Variants in RIF1 observed in about 807,000 individuals in gnomAD.
The protein encoded by RIF1 is telomere-associated protein RIF1.
In RIF1, 45 loss-of-function variants were observed where a neutral mutation model predicts 247.1. That is an observed-to-expected ratio of 0.18 (90% CI 0.14 to 0.23). RIF1 has a LOEUF of 0.23. Among genes scored for constraint, RIF1 ranks in the 10% least tolerant of loss-of-function variants. The pLI, the probability that RIF1 is intolerant of heterozygous loss-of-function variation, is 1.00. For missense variants in RIF1, 2,967 were observed against 2,862.5 expected, an observed-to-expected ratio of 1.04 and a Z score of -0.83; for synonymous variants, 1,087 against 978.8, an observed-to-expected ratio of 1.11 and a Z score of -2.06.
chr2:151,428,313 A>C (rs1420155334), intron 8 of RIF1, among the ~76,000 whole-genome samples: 1 of 152,204 alleles, frequency 6.6e-6, no homozygotes, highest in Non-Finnish European at 1.5e-5. Context: ...TTTTTAAAAA[A>C]TATTTCTTTT....
intron 10 of RIF1, among the ~76,000 whole-genome samples, chr2:151,435,102 A>G (rs977972218): frequency 6.6e-6 from 1 of 152,216 alleles, no homozygotes; most frequent in African/African-American, 2.4e-5. Context: ...TGTCCAATAC[A>G]TTAATTGGAA....
intron 27 of RIF1, among the ~76,000 whole-genome samples, chr2:151,461,627 C>T (rs918501302): frequency 6.6e-6 from 1 of 152,016 alleles, no homozygotes; most frequent in African/African-American, 2.4e-5. Context: ...CTCCTGACCT[C>T]GTGATCTGCC....
At chr2:151,498,424 TG>T in intron 10 of RIF1, 1 of 1,085,194 alleles carries the variant, frequency 9.2e-7, no homozygotes, top group Non-Finnish European at 1.3e-6. Flanking sequence ...TTGGAGCAGT[TG>T]GGAGTGGGAA....
chr2:151,525,955 T>TA, the RIF1 span: 1 of 1,611,746 alleles, frequency 6.2e-7, no homozygotes, highest in East Asian at 2.2e-5. Flanking sequence ...GTTGATCACT[T>TA]ACATCACTGA....
chr2:151,420,045 CT>C, intron 6 of RIF1, 144 bp from the exon 7 acceptor site: 1 of 618,746 alleles, frequency 1.6e-6, no homozygotes, highest in South Asian at 3.7e-5. Context: ...AAAATAAGAT[CT>C]ATTTCTTGTG....
chr2:151,496,386 A>G, intron 10 of RIF1: 3 of 1,592,386 alleles, frequency 1.9e-6, no homozygotes, highest in Non-Finnish European at 2.6e-6. Flanking sequence ...ATGAGAAAGC[A>G]TCCAGAAAAA....
chr2:151,430,772 C>A (rs1467011771), intron 9 of RIF1, among the ~76,000 whole-genome samples: 1 of 19,374 alleles, frequency 5.2e-5, no homozygotes, highest in Non-Finnish European at 1.3e-4. Context: ...CCCACCTCAG[C>A]CCCCCCAAGT....
chr2:151,515,076 TG>T, the RIF1 span: 2 of 618,346 alleles, frequency 3.2e-6, no homozygotes, highest in East Asian at 5.5e-5. Flanking sequence ...GAAACATGTA[TG>T]ATTGTACTTG....
the RIF1 span, among the ~76,000 whole-genome samples, chr2:151,513,112 T>A: frequency 2.0e-5 from 3 of 152,170 alleles, no homozygotes; most frequent in African/African-American, 7.2e-5. Flanking sequence ...AGGCATGGAT[T>A]GTTTACATAC....
rs749758563 is a variant in RIF1, at chr2:151,446,533, T to G, written c.2202T>G (p.Leu734=). 1 of 1,613,300 alleles carries G rather than the reference T, an allele frequency of 6.2e-7. No individual in the cohort carries two copies. The highest frequency in any genetic ancestry group is 1.7e-5 in the Admixed American group (1 of 59,850). The stretch of plus-strand genomic sequence containing the variant: ...AAGAGAACTTGTGCTGTGAGGAACT[T>G]TCTTCCAAGATAATGTCCAGTTTGG... ...TAEENLCCEE[L]SSKIMSSLED... Residue 734 remains leucine (L), a synonymous_variant, in exon 20 of 36, where the codon CTT becomes CTG. Transcript: ENST00000444746.
chr2:151,526,852 G>A, the RIF1 span: 4 of 1,138,980 alleles, frequency 3.5e-6, no homozygotes, highest in Non-Finnish European at 5.2e-6. Context: ...TGGTGTCCCT[G>A]GGGACTGTAC....
rs545225338 is a variant in RIF1 at position 151,454,879 on chromosome 2, C to G, written c.2345-16C>G. On this transcript the variant is annotated splice_polypyrimidine_tract_variant and intron_variant, in intron 21 of 35. Transcript: ENST00000444746. ...AATTTATTTGAGTTTTTAATTAATT[C>G]AGTTTTTGTTTTTAGCACCACAGAG... The G allele has an allele frequency of 6.5e-7, 1 of 1,537,160 alleles. No homozygotes were observed. Among genetic ancestry groups the G allele is most frequent in the East Asian group, 2.3e-5 (1 of 43,404 alleles).
intron 27 of RIF1, among the ~76,000 whole-genome samples, chr2:151,461,491 A>T (rs1034998741): frequency 1.9e-4 from 28 of 150,118 alleles, no homozygotes; most frequent in African/African-American, 6.4e-4. Flanking sequence ...TCCCAGGTTC[A>T]CGCTATTCTC....
At chr2:151,466,298 CTG>C (rs1400572117) in intron 30 of RIF1, among the ~76,000 whole-genome samples, 178 bp downstream of exon 30, 2 of 152,188 alleles carry the variant, frequency 1.3e-5, no homozygotes, top group South Asian at 4.1e-4. Context: ...AAAAAGGAGA[CTG>C]AAGCCTTTTA....
chr2:151,458,787 T>C, intron 24 of RIF1, 24 bp from the exon 25 acceptor site: 1 of 1,406,992 alleles, frequency 7.1e-7, no homozygotes, highest in Non-Finnish European at 1.0e-6. Context: ...ACTTAAGGTA[T>C]ATATTTTATG....
At chr2:151,431,495 C>G (rs1690115700) in intron 9 of RIF1, among the ~76,000 whole-genome samples, 1 of 152,186 alleles carries the variant, frequency 6.6e-6, no homozygotes, top group Admixed American at 6.6e-5. Context: ...TGGAGCTCTT[C>G]TCATAAATAG....
In RIF1 at chr2:151,445,419, A is replaced by G. The variant is rs150866594; in HGVS notation, c.2068A>G (p.Ile690Val). ...TGCATTGACTTTACCAGTAAACCAC[A>G]TTTTTTCAGAACAGAGATTTCCAGT... The part of the protein sequence containing the change: ...YGALTLPVNH[I>V]FSEQRFPVAT... The change falls in exon 19 of 36, where the codon ATT becomes GTT. Residue 690 changes from isoleucine to valine, a missense_variant. Ile to Val is a conservative substitution (Grantham distance 29). Transcript: ENST00000444746. 4.0e-5 allele frequency: 63 copies of G among 1,592,114 alleles called. No homozygotes were observed. Among genetic ancestry groups the G allele is most frequent in the Non-Finnish European group, 5.3e-5 (62 of 1,160,134 alleles).
rs931442681 is a variant in RIF1 at position 151,428,697 on chromosome 2, C to G, written c.787-87C>G. The G allele has an allele frequency of 1.5e-5, 15 of 1,018,538 alleles. No individual in the cohort carries two copies. The African/African-American group carries it at 1.9e-4, about 13-fold the overall frequency. The allele number at this position is 1,018,538 out of a possible 1,614,324, so 63.1% of individuals were successfully genotyped here. ...TTAGATTATGAAGTCCTAAGAGCATCTGTTAAGTGAATGAATAAAGGAATG... is the reference window on the plus strand; with the variant it reads ...TTAGATTATGAAGTCCTAAGAGCATGTGTTAAGTGAATGAATAAAGGAATG... On this transcript the variant is annotated intron_variant, in intron 8 of 35. Transcript: ENST00000444746.
chr2:151,461,159 TTAAAAG>T lies in RIF1; in HGVS notation c.3102_3107del (p.Val1035_Lys1036del). On this transcript the variant is annotated inframe_deletion, in exon 27 of 36. Transcript: ENST00000444746. ...GCAGCTGAAACTTGAATCTTCGTCT[TTAAAAG>T]TAAAGGGTGAAATTCTTTTGGAAGA... The T allele has an allele frequency of 6.2e-7, 1 of 1,610,046 alleles. No homozygotes were observed. Among genetic ancestry groups the T allele is most frequent in the Non-Finnish European group, 8.5e-7 (1 of 1,179,136 alleles).
Sources: gnomAD v4.1 joint callset for allele counts (sites outside exome capture counted in the v4.1 genomes callset) on GRCh38, gnomAD v4.1.1 for gene constraint, MANE v1.5 for transcripts, NCBI Gene and HGNC (gene_info 2026-07-23, HGNC 2026-07-21) for gene names.